Variants in KAZN observed in about 807,000 individuals in gnomAD.
KAZN encodes the protein kazrin, periplakin interacting protein.
In KAZN, 40 loss-of-function variants were observed where a neutral mutation model predicts 87.4. That is an observed-to-expected ratio of 0.46 (90% CI 0.36 to 0.60). KAZN has a LOEUF of 0.60. Ranked by LOEUF, KAZN falls within the 20% of genes least tolerant of loss-of-function variation. The pLI, the probability that KAZN is intolerant of heterozygous loss-of-function variation, is 0.00. For synonymous variants in KAZN, 466 were observed against 458.3 expected, an observed-to-expected ratio of 1.02 and a Z score of -0.22; for missense variants, 898 against 1,073.9, an observed-to-expected ratio of 0.84 and a Z score of 2.29.
At chr1:13,943,541 A>G (rs10927960) in intron 1 of KAZN, among the ~76,000 whole-genome samples, 1 of 152,002 alleles carries the variant, frequency 6.6e-6, no homozygotes, top group Non-Finnish European at 1.5e-5. Context: ...TGTTTTCAGA[A>G]AAAGAAAAAA....
intron 1 of KAZN, among the ~76,000 whole-genome samples, chr1:14,067,138 C>T (rs118112704): frequency 1.7e-4 from 26 of 152,190 alleles, no homozygotes; most frequent in East Asian, 5.8e-4. Context: ...TCCTCCTCCC[C>T]GCCCCAAATA....
At chr1:14,951,253 CCT>C (rs150218689) in intron 1 of KAZN, among the ~76,000 whole-genome samples, 7,280 of 152,158 alleles carry the variant, frequency 0.048, 561 homozygotes, top group African/African-American at 0.15. Flanking sequence ...ACTCCCATCC[CCT>C]CTGCCCTGGG....
chr1:13,943,150 A>G (rs1641001357), intron 1 of KAZN, among the ~76,000 whole-genome samples: 2 of 152,240 alleles, frequency 1.3e-5, no homozygotes, highest in Admixed American at 6.5e-5. Flanking sequence ...TACAAAGAAG[A>G]CTACTGTAGG....
intron 1 of KAZN, among the ~76,000 whole-genome samples, chr1:14,882,751 G>T (rs777824375): frequency 6.6e-5 from 10 of 152,050 alleles, no homozygotes; most frequent in Non-Finnish European, 1.5e-4. Flanking sequence ...AAAGTTCATT[G>T]GCATTTATGG....
intron 2 of KAZN, among the ~76,000 whole-genome samples, chr1:15,032,473 T>G (rs1444373157): frequency 6.6e-6 from 1 of 151,880 alleles, no homozygotes; most frequent in East Asian, 1.9e-4. Flanking sequence ...ATTACAGGCA[T>G]GAGCCACCGC....
intron 1 of KAZN, among the ~76,000 whole-genome samples, chr1:14,022,137 A>T (rs35228096): frequency 0.088 from 13,317 of 151,908 alleles, 679 homozygotes; most frequent in Middle Eastern, 0.13. Context: ...CTGAATAATG[A>T]CTAGGAGCTT....
chr1:15,001,655 A>C (rs7529561), intron 2 of KAZN, among the ~76,000 whole-genome samples: 25,291 of 151,808 alleles, frequency 0.17, 2,352 homozygotes, highest in East Asian at 0.34. Context: ...GCTGGGCCAA[A>C]TTCTCTCCAC....
At chr1:14,400,618 G>A (rs1663319773) in intron 2 of KAZN, among the ~76,000 whole-genome samples, 1 of 152,198 alleles carries the variant, frequency 6.6e-6, no homozygotes. Flanking sequence ...AACAGGTGCT[G>A]TAATTACTTG....
At chr1:14,506,502 C>T (rs555281350) in intron 2 of KAZN, among the ~76,000 whole-genome samples, 1 of 152,284 alleles carries the variant, frequency 6.6e-6, no homozygotes, top group South Asian at 2.1e-4. Flanking sequence ...GACTGCAGAG[C>T]CCCAAATCGC....
chr1:14,134,264 A>G (rs897130742), intron 1 of KAZN, among the ~76,000 whole-genome samples: 1 of 152,250 alleles, frequency 6.6e-6, no homozygotes, highest in South Asian at 2.1e-4. Context: ...ATATGGTTAA[A>G]AAAAACCATC....
At chr1:14,817,729 A>G (rs571628323) in intron 1 of KAZN, among the ~76,000 whole-genome samples, 3 of 152,200 alleles carry the variant, frequency 2.0e-5, no homozygotes, top group East Asian at 3.9e-4. Context: ...GACCCATCCT[A>G]CAATCCTGGC....
At chr1:14,006,602 T>C (rs1270995007) in intron 1 of KAZN, among the ~76,000 whole-genome samples, 1 of 152,244 alleles carries the variant, frequency 6.6e-6, no homozygotes, top group Non-Finnish European at 1.5e-5. Context: ...GAGACTATCC[T>C]TTCTCCAGTG....
In KAZN at chr1:14,771,662, C is replaced by G. The variant is rs540008753; in HGVS notation, c.226+172439C>G. 2.6e-5 allele frequency among the ~76,000 whole-genome samples: 4 copies of G among 152,080 alleles called. No individual in the cohort carries two copies. The East Asian group carries it at 7.8e-4, about 30-fold the overall frequency. On this transcript the variant is annotated intron_variant, in intron 1 of 14. Coordinates refer to ENST00000376030, the MANE Select transcript of KAZN (RefSeq NM_201628.3). ...CCAACATGGTGAAACCCCGTCTCTA[C>G]TAAAAATACAAAAATTAGCCAGGCC...
At position 14,833,861 on chromosome 1, in the gene KAZN, A is replaced by C. The variant is rs12033748; in HGVS notation, c.227-126823A>C. 1.0e-3 allele frequency among the ~76,000 whole-genome samples: 159 copies of C among 151,662 alleles called. 4 individuals are homozygous for C. The East Asian group carries it at 0.018, about 17-fold the overall frequency. On this transcript the variant is annotated intron_variant, in intron 1 of 14. Coordinates refer to ENST00000376030, the MANE Select transcript of KAZN (RefSeq NM_201628.3). ...GTGGCCGCCTCGTTCAGTTCATACA[A>C]CCTGAAATTCGGGTTTGCCAGAATG...
chr1:13,907,896 C>T (rs955623132), intron 1 of KAZN, among the ~76,000 whole-genome samples: 4 of 151,986 alleles, frequency 2.6e-5, no homozygotes, highest in Admixed American at 1.3e-4. Flanking sequence ...CTGTGTAGTT[C>T]GTAGAGAAAA....
chr1:14,464,537 T>A (rs1308094521), intron 2 of KAZN, among the ~76,000 whole-genome samples: 1 of 150,740 alleles, frequency 6.6e-6, no homozygotes, highest in Non-Finnish European at 1.5e-5. Flanking sequence ...AATTTCTTTT[T>A]TTTTTCTTTC....
chr1:14,298,435 T>G (rs1654290848), intron 2 of KAZN, among the ~76,000 whole-genome samples: 1 of 152,238 alleles, frequency 6.6e-6, no homozygotes, highest in Admixed American at 6.5e-5. Flanking sequence ...AAAGAAGATA[T>G]TCATTTGACT....
chr1:14,649,319 ATTG>A (rs1303339971), intron 1 of KAZN, among the ~76,000 whole-genome samples: 2 of 150,034 alleles, frequency 1.3e-5, no homozygotes. Context: ...GGGAGGCACT[ATTG>A]TTGTTTGCAT....
intron 1 of KAZN, among the ~76,000 whole-genome samples, chr1:14,826,258 A>T (rs1046248439): frequency 1.3e-5 from 2 of 152,258 alleles, no homozygotes; most frequent in African/African-American, 2.4e-5. Flanking sequence ...ATTTCCCAGC[A>T]TGTGACCAGG....
Sources: allele counts gnomAD v4.1 joint callset (sites outside exome capture counted in the v4.1 genomes callset), GRCh38; gene constraint gnomAD v4.1.1; transcripts MANE v1.5; gene names NCBI Gene and HGNC (gene_info 2026-07-23, HGNC 2026-07-21).